The following PRKN variants were observed in gnomAD, a reference collection of about 807,000 sequenced individuals.
PRKN encodes E3 ubiquitin-protein ligase parkin.
In PRKN, 56 loss-of-function variants were observed where a neutral mutation model predicts 59.5. That is an observed-to-expected ratio of 0.94 (90% CI 0.76 to 1.18). The LOEUF is 1.18. Ranked by LOEUF, PRKN falls within the 50% of genes most tolerant of loss-of-function variation. The pLI is 0.00. For missense variants in PRKN, 657 were observed against 596.4 expected (o/e 1.10, Z -1.06); for synonymous variants, 250 against 222.1 (o/e 1.13, Z -1.12).
rs1787192742 is a variant in PRKN, at chr6:161,720,878, CA to C, written c.871+64893del. 1.3e-5 allele frequency among the ~76,000 whole-genome samples: 2 copies of C among 151,830 alleles called. 1 individual carries two copies. Among genetic ancestry groups the C allele is most frequent in the African/African-American group, 4.8e-5 (2 of 41,306 alleles). On this transcript the variant is annotated intron_variant, in intron 7 of 11. Coordinates refer to ENST00000366898, the MANE Select transcript of PRKN (RefSeq NM_004562.3). ...ATGTTGTTCTCAATCAGTTCTACTC[CA>C]AAAGAGTAAAGAGAGATTAAGTGAA...
intron 2 of PRKN, among the ~76,000 whole-genome samples, chr6:162,399,395 T>A (rs951369215): frequency 6.6e-6 from 1 of 152,124 alleles, no homozygotes; most frequent in Non-Finnish European, 1.5e-5. Context: ...AGAAGCAGTC[T>A]GTATCCATGA....
intron 9 of PRKN, among the ~76,000 whole-genome samples, chr6:161,540,737 G>C (rs1041717637): frequency 6.6e-6 from 1 of 152,232 alleles, no homozygotes; most frequent in African/African-American, 2.4e-5. Context: ...ACAGAGTTTA[G>C]GAAATGCTGA....
At chr6:161,433,594 G>A (rs1040767932) in intron 9 of PRKN, among the ~76,000 whole-genome samples, 14 of 152,082 alleles carry the variant, frequency 9.2e-5, no homozygotes, top group Non-Finnish European at 1.8e-4. Flanking sequence ...TATGAGGCCC[G>A]ATATAAACTC....
chr6:161,697,150 A>G (rs1434667654), intron 7 of PRKN, among the ~76,000 whole-genome samples: 1 of 152,340 alleles, frequency 6.6e-6, no homozygotes, highest in Non-Finnish European at 1.5e-5. Context: ...GCAGCAAAGT[A>G]TGAGTGGATC....
chr6:162,457,881 G>C (rs900773955), intron 1 of PRKN, among the ~76,000 whole-genome samples: 1 of 152,054 alleles, frequency 6.6e-6, no homozygotes, highest in Non-Finnish European at 1.5e-5. Flanking sequence ...AGCACTTTGG[G>C]AGGCCGAGGT....
At chr6:162,677,259 C>T (rs549417450) in intron 1 of PRKN, among the ~76,000 whole-genome samples, 56 of 151,646 alleles carry the variant, frequency 3.7e-4, no homozygotes, top group Non-Finnish European at 7.1e-4. Flanking sequence ...CAGCCAATGA[C>T]GACAGGTAAA....
Position 161,371,782 on chromosome 6 carries a change from G to A in PRKN, c.1168-11577C>T, listed in dbSNP as rs1052871181. Reference sequence around the variant, plus strand: ...GCCTCCTGAGTAGCTGGGATTACAGGCATGCACCACCCCACCTCGCTAATT... The same window carrying A: ...GCCTCCTGAGTAGCTGGGATTACAGACATGCACCACCCCACCTCGCTAATT... On this transcript the variant is annotated intron_variant, in intron 10 of 11. Coordinates refer to ENST00000366898, the MANE Select transcript of PRKN (RefSeq NM_004562.3). This position sits in a 1 kb window ranked among gnomAD's most constrained non-coding sequence, Gnocchi z 5.5. 6.6e-6 allele frequency among the ~76,000 whole-genome samples: 1 copy of A among 152,136 alleles called. No homozygotes were observed. Among genetic ancestry groups the A allele is most frequent in the African/African-American group, 2.4e-5 (1 of 41,420 alleles).
chr6:161,630,275 C>T (rs1040786585), intron 7 of PRKN, among the ~76,000 whole-genome samples: 5 of 152,200 alleles, frequency 3.3e-5, no homozygotes, highest in Non-Finnish European at 7.4e-5. Context: ...CGAGCACCCA[C>T]CAATAACTCC....
At chr6:162,601,480 T>C (rs1289610884) in intron 1 of PRKN, among the ~76,000 whole-genome samples, 2 of 152,210 alleles carry the variant, frequency 1.3e-5, no homozygotes, top group African/African-American at 4.8e-5. Context: ...CGTTCCTCTA[T>C]CTTGCTGCTG....
intron 2 of PRKN, among the ~76,000 whole-genome samples, chr6:162,310,567 G>A (rs576074069): frequency 6.6e-6 from 1 of 151,158 alleles, no homozygotes; most frequent in East Asian, 2.0e-4. Flanking sequence ...AATTTCTGTT[G>A]TTTAAGTTCC....
In PRKN at chr6:161,874,586, T is replaced by TA. The variant is rs1233289983; in HGVS notation, c.735-88679dup. Among the ~76,000 whole-genome samples, 120 of 109,304 alleles carry TA rather than the reference T, an allele frequency of 1.1e-3. 4 individuals carry two copies. Among genetic ancestry groups the TA allele is most frequent in the African/African-American group, 5.0e-3 (115 of 23,060 alleles). The allele number at this position is 109,304 out of a possible 152,430, so 71.7% of individuals were successfully genotyped here. A position where few individuals can be genotyped will look rare whatever the true frequency, so the allele number is the denominator to read the frequency against. On this transcript the variant is annotated intron_variant, in intron 6 of 11. Coordinates refer to ENST00000366898, the MANE Select transcript of PRKN (RefSeq NM_004562.3). The stretch of plus-strand genomic sequence containing the variant: ...TATAAAATATATATTATGTAAAATA[T>TA]ATATTGTATGTAAAATATATATTAC...
chr6:162,113,945 T>C (rs1780554444), intron 4 of PRKN, among the ~76,000 whole-genome samples: 2 of 152,062 alleles, frequency 1.3e-5, no homozygotes, highest in African/African-American at 4.8e-5. Context: ...CTAACCAGTT[T>C]TCCCAGCACC....
In PRKN at chr6:161,977,533, GTTTTTTTGGTTTTTTTT is replaced by G. The variant is rs898705355; in HGVS notation, c.619-4133_619-4117del. Among the ~76,000 whole-genome samples, 26 of 80,712 alleles carry G rather than the reference GTTTTTTTGGTTTTTTTT, an allele frequency of 3.2e-4. No homozygotes were observed. In the East Asian group the frequency reaches 5.9e-3, roughly 18 times the overall value. 53.0% of individuals were successfully genotyped at this position (80,712 alleles called of 152,430 possible). ...AGAAACATTATCTTCTCTACTTTCTGTTTTTTTGGTTTTTTTTTTTTTTTTTTTTTTTAAGACAGAGT... is the reference window on the plus strand; with the variant it reads ...AGAAACATTATCTTCTCTACTTTCTGTTTTTTTTTTTTTTTAAGACAGAGT... On this transcript the variant is annotated intron_variant, in intron 5 of 11. Transcript: ENST00000366898.
intron 7 of PRKN, among the ~76,000 whole-genome samples, chr6:161,674,037 T>C (rs1192217237): frequency 6.6e-6 from 1 of 152,108 alleles, no homozygotes; most frequent in African/African-American, 2.4e-5. Flanking sequence ...ATTATCAGCA[T>C]ATGGTGAGTA....
chr6:161,485,194 G>C (rs1411128087), intron 9 of PRKN, among the ~76,000 whole-genome samples: 2 of 152,182 alleles, frequency 1.3e-5, no homozygotes, highest in Admixed American at 6.5e-5. Flanking sequence ...ATATGCCTTA[G>C]GTCTTTTTAT....
intron 4 of PRKN, among the ~76,000 whole-genome samples, chr6:162,192,611 C>G (rs1784330639): frequency 6.6e-6 from 1 of 150,396 alleles, no homozygotes; most frequent in Non-Finnish European, 1.5e-5. Context: ...TGCTACCACG[C>G]CCAGCTAATT....
Position 162,339,252 on chromosome 6 carries a change from G to A in PRKN, c.172-76487C>T, listed in dbSNP as rs1240975677. Among the ~76,000 whole-genome samples the A allele has an allele frequency of 9.7e-5, 14 of 144,612 alleles. 1 individual carries two copies. Among genetic ancestry groups the A allele is most frequent in the African/African-American group, 3.1e-4 (12 of 38,998 alleles). 94.9% of individuals were successfully genotyped at this position (144,612 alleles called of 152,430 possible). ...TCCGGGAGGGAGGTGGTGGGGGTCA[G>A]CCCCCCGCCCGGCCAGCCGCCCCGT... On this transcript the variant is annotated intron_variant, in intron 2 of 11. Transcript: ENST00000366898.
chr6:161,432,193 A>C (rs1788675957), intron 9 of PRKN, among the ~76,000 whole-genome samples: 1 of 152,184 alleles, frequency 6.6e-6, no homozygotes. Context: ...TAGTTTGTTA[A>C]ACTTTGTGAA....
At chr6:161,864,452 A>G (rs7739430) in intron 6 of PRKN, among the ~76,000 whole-genome samples, 10,820 of 152,110 alleles carry the variant, frequency 0.071, 1,284 homozygotes, top group African/African-American at 0.25. Context: ...TTCTCTTGCT[A>G]TTTCCACCAT....
Sources: gnomAD v4.1 joint callset for allele counts (sites outside exome capture counted in the v4.1 genomes callset) on GRCh38, gnomAD v4.1.1 for gene constraint, Gnocchi (gnomAD v3.1) non-coding constraint, MANE v1.5 for transcripts, NCBI Gene and HGNC (gene_info 2026-07-23, HGNC 2026-07-21) for gene names.